BTN3A1: variants seen among roughly 807,000 people sequenced by gnomAD.
BTN3A1 encodes the protein butyrophilin subfamily 3 member A1, also known as dJ45P21.3 (butyrophilin, subfamily 3, member A1).
Under a neutral mutation model 43.0 loss-of-function variants are expected in BTN3A1, and 24 were observed. The ratio of observed to expected loss-of-function variants is 0.56; its 90% CI spans 0.40 to 0.78. BTN3A1 has a LOEUF of 0.78. Among genes scored for constraint, BTN3A1 ranks in the 30% least tolerant of loss-of-function variants. The probability of loss-of-function intolerance (pLI) is 0.00; values close to 1 mark genes in which losing one functional copy is unlikely to be tolerated. For missense variants in BTN3A1, 533 were observed against 626.2 expected (o/e 0.85, Z 1.59); for synonymous variants, 181 against 234.7 (o/e 0.77, Z 2.09).
intron 9 of BTN3A1, chr6:26,412,674 A>G (rs1762259464): frequency 2.6e-6 from 4 of 1,551,284 alleles, no homozygotes; most frequent in African/African-American, 1.4e-5. Context: ...CTACAGCGCT[A>G]GAGATTCATT....
chr6:26,405,530 C>A lies in BTN3A1; in HGVS notation c.-34C>A. The A allele has an allele frequency of 2.5e-6, 4 of 1,599,070 alleles. No individual in the cohort carries two copies. The highest frequency in any genetic ancestry group is 3.4e-6 in the Non-Finnish European group (4 of 1,166,400). On this transcript the variant is annotated 5_prime_UTR_variant, in exon 2 of 10. Transcript: ENST00000289361. ...TTCTTCCAGGTCATAGTGTCTGCCC[C>A]CCACCTTCCAGTATCTCCTGATATG...
Position 26,415,061 on chromosome 6 carries a change from T to A in BTN3A1, c.*1369T>A, listed in dbSNP as rs1762340506. The A allele has an allele frequency of 6.6e-6, 1 of 152,188 alleles. No individual in the cohort carries two copies. The highest frequency in any genetic ancestry group is 2.4e-5 in the African/African-American group (1 of 41,436). 9.4% of individuals were successfully genotyped at this position (152,188 alleles called of 1,614,324 possible). The stretch of plus-strand genomic sequence containing the variant: ...CTATCCACCCCTGCTCATTGGTGGA[T>A]GTTAAACCAATATTCCTTTCAACTG... On this transcript the variant is annotated 3_prime_UTR_variant, in exon 10 of 10. Coordinates refer to ENST00000289361, the MANE Select transcript of BTN3A1 (RefSeq NM_007048.6).
In BTN3A1 at chr6:26,413,335, T is replaced by C; in HGVS notation, c.1185T>C (p.His395=). The C allele has an allele frequency of 6.2e-7, 1 of 1,614,086 alleles. No individual in the cohort carries two copies. Among genetic ancestry groups the C allele is most frequent in the Non-Finnish European group, 8.5e-7 (1 of 1,180,024 alleles). Residue 395 remains histidine, a synonymous_variant, in exon 10 of 10, where the codon CAT becomes CAC. Transcript: ENST00000289361. ...GTGAGAGCTTCATATCAGGGAGACA[T>C]TACTGGGAGGTGGAGGTAGGGGACA... The part of the protein sequence containing the change: ...LGCESFISGR[H]YWEVEVGDRK...
intron 3 of BTN3A1, among the ~76,000 whole-genome samples, chr6:26,406,744 A>G (rs989394681): frequency 2.0e-5 from 3 of 152,218 alleles, no homozygotes; most frequent in Non-Finnish European, 4.4e-5. Flanking sequence ...GGAAGAACAC[A>G]TATCATGGGG....
chr6:26,412,122 A>G, intron 9 of BTN3A1: 1 of 332,898 alleles, frequency 3.0e-6, no homozygotes, highest in Non-Finnish European at 5.5e-6. Context: ...TGATGAGTTC[A>G]AACTGCGTGG....
Position 26,405,460 on chromosome 6 carries a change from A to T in BTN3A1, c.-104A>T. 9.0e-7 allele frequency: 1 copy of T among 1,115,116 alleles called. No individual in the cohort carries two copies. Among genetic ancestry groups the T allele is most frequent in the Non-Finnish European group, 1.4e-6 (1 of 736,006 alleles). The allele number at this position is 1,115,116 out of a possible 1,614,324, so 69.1% of individuals were successfully genotyped here. ...AGATCTTCTTCGGTCACCATACTTG[A>T]GTTAGCTCTAGGGAAGTGGAGGTTT... is the stretch of plus-strand genomic sequence containing the variant. On this transcript the variant is annotated 5_prime_UTR_variant, in exon 2 of 10. It removes the in-frame stop codon of an upstream open reading frame in the 5' UTR. Transcript: ENST00000289361.
rs1214763885 is a variant in BTN3A1 at position 26,413,991 on chromosome 6, G to A, written c.*299G>A. On this transcript the variant is annotated 3_prime_UTR_variant, in exon 10 of 10. Transcript: ENST00000289361. ...ATACAGATAAGGAAACTGGGGTGCA[G>A]AAAAGTGAATTGACTACAAAGTAGA... The A allele has an allele frequency of 2.4e-6, 1 of 417,808 alleles. No homozygotes were observed. The highest frequency in any genetic ancestry group is 2.2e-5 in the South Asian group (1 of 44,914). The allele number at this position is 417,808 out of a possible 1,614,324, so 25.9% of individuals were successfully genotyped here. A position where few individuals can be genotyped will look rare whatever the true frequency, so the allele number is the denominator to read the frequency against.
chr6:26,413,886 G>A lies in BTN3A1; in HGVS notation c.*194G>A, dbSNP rs371006321. On this transcript the variant is annotated 3_prime_UTR_variant, in exon 10 of 10. Transcript: ENST00000289361. ...ATCACAACCATAAAGCTACAAGCACGCACTGAAGCACTTTACTGATACTCA... is the reference window on the plus strand; with the variant it reads ...ATCACAACCATAAAGCTACAAGCACACACTGAAGCACTTTACTGATACTCA... 3.2e-5 allele frequency: 31 copies of A among 959,518 alleles called. No homozygotes were observed. Among genetic ancestry groups the A allele is most frequent in the Non-Finnish European group, 4.5e-5 (29 of 644,472 alleles). The allele number at this position is 959,518 out of a possible 1,614,324, so 59.4% of individuals were successfully genotyped here. A position where few individuals can be genotyped will look rare whatever the true frequency, so the allele number is the denominator to read the frequency against.
intron 6 of BTN3A1, 21 bp from the exon 7 acceptor site, chr6:26,409,985 C>T: frequency 3.1e-6 from 5 of 1,614,172 alleles, no homozygotes; most frequent in Non-Finnish European, 3.4e-6. Flanking sequence ...GATGCATCTT[C>T]CCCTGTTCCT....
At chr6:26,408,037 T>C in intron 4 of BTN3A1, 85 bp downstream of exon 4, 1 of 1,571,812 alleles carries the variant, frequency 6.4e-7, no homozygotes. Context: ...GCAGTCAACC[T>C]GGGTCTCTGC....
intron 9 of BTN3A1, chr6:26,412,864 G>C: frequency 6.6e-7 from 1 of 1,513,238 alleles, no homozygotes; most frequent in Admixed American, 2.2e-5. Flanking sequence ...AGTGAATATG[G>C]GGAGGGAAAC....
Position 26,409,990 on chromosome 6 carries a change from G to A in BTN3A1, c.938-16G>A, listed in dbSNP as rs767285056. On this transcript the variant is annotated splice_polypyrimidine_tract_variant and intron_variant, in intron 6 of 9. Transcript: ENST00000289361. ...TATGCGCCTTGATGCATCTTCCCCT[G>A]TTCCTTCCGTTGCAGGATGGAGAAG... The A allele has an allele frequency of 2.5e-6, 4 of 1,614,076 alleles. No individual in the cohort carries two copies.
chr6:26,412,317 C>T (rs1268911154), intron 9 of BTN3A1: 1 of 644,568 alleles, frequency 1.6e-6, no homozygotes, highest in African/African-American at 1.8e-5. Flanking sequence ...AGTCTTCAGG[C>T]CTTGTTAGAG....
chr6:26,413,499 A>G lies in BTN3A1; in HGVS notation c.1349A>G (p.Asn450Ser), dbSNP rs781316705. ...KYRTLTEPRT[N>S]LKLPKPPKKV... ...CGGACTCTAACTGAGCCCAGAACCA[A>G]CCTGAAACTTCCTAAGCCCCCTAAG... is the stretch of plus-strand genomic sequence containing the variant. Residue 450 changes from asparagine (N) to serine (S), a missense_variant, in exon 10 of 10, where the codon AAC becomes AGC. Physicochemically the swap from Asn to Ser is conservative, Grantham distance 46. Transcript: ENST00000289361. 2.5e-6 allele frequency: 4 copies of G among 1,614,162 alleles called. No individual in the cohort carries two copies. The South Asian group carries it at 3.3e-5, about 13-fold the overall frequency.
intron 1 of BTN3A1, among the ~76,000 whole-genome samples, chr6:26,405,004 G>A (rs896079380): frequency 2.6e-5 from 4 of 152,334 alleles, no homozygotes; most frequent in South Asian, 2.1e-4. Context: ...GGTCTTATTT[G>A]CAGCTCTGTG....
chr6:26,410,976 T>C (rs1442845633), intron 7 of BTN3A1, 133 bp from the exon 8 acceptor site: 2 of 674,606 alleles, frequency 3.0e-6, no homozygotes, highest in Non-Finnish European at 4.5e-6. Flanking sequence ...GAATTGAACC[T>C]GCAGAGGAGG....
Position 26,413,367 on chromosome 6 carries a change from A to C in BTN3A1, c.1217A>C (p.Glu406Ala). The C allele has an allele frequency of 6.2e-7, 1 of 1,614,122 alleles. No homozygotes were observed. Among genetic ancestry groups the C allele is most frequent in the Non-Finnish European group, 8.5e-7 (1 of 1,180,026 alleles). The change falls in exon 10 of 10, where the codon GAG (glutamate) becomes GCG (alanine). Residue 406 changes from glutamate to alanine, a missense_variant. Coordinates refer to ENST00000289361, the MANE Select transcript of BTN3A1 (RefSeq NM_007048.6). ...GAGGTGGAGGTAGGGGACAGGAAAG[A>C]GTGGCATATAGGGGTGTGCAGTAAG... ...YWEVEVGDRK[E>A]WHIGVCSKNV...
intron 8 of BTN3A1, 132 bp downstream of exon 8, chr6:26,411,267 T>TG: frequency 8.1e-7 from 1 of 1,240,170 alleles, no homozygotes. Flanking sequence ...ATTTGTGTGT[T>TG]GTGGGGGGTT....
At chr6:26,412,766 G>C in intron 9 of BTN3A1, 1 of 1,551,490 alleles carries the variant, frequency 6.4e-7, no homozygotes, top group Non-Finnish European at 8.7e-7. Context: ...TGGAAAAATA[G>C]ACTGCAGAAA....
Sources: gnomAD v4.1 joint callset for allele counts (sites outside exome capture counted in the v4.1 genomes callset) on GRCh38, gnomAD v4.1.1 for gene constraint, MANE v1.5 for transcripts, NCBI Gene and HGNC (gene_info 2026-07-23, HGNC 2026-07-21) for gene names.